The following CTDP1 variants were observed in gnomAD, a reference collection of about 807,000 sequenced individuals.
CTDP1 encodes RNA polymerase II subunit A C-terminal domain phosphatase.
CTDP1 carries 47 observed loss-of-function variants against 91.8 expected under a neutral mutation model. That is an observed-to-expected ratio of 0.51 (90% CI 0.41 to 0.65). The LOEUF is 0.65. Ranked by LOEUF, CTDP1 falls within the 30% of genes least tolerant of loss-of-function variation. The probability of loss-of-function intolerance (pLI) is 0.00; values close to 1 mark genes in which losing one functional copy is unlikely to be tolerated. For missense variants in CTDP1, 1,272 were observed against 1,373.7 expected, an observed-to-expected ratio of 0.93 and a Z score of 1.17; for synonymous variants, 656 against 598.5, an observed-to-expected ratio of 1.10 and a Z score of -1.40.
Position 79,715,397 on chromosome 18 carries a change from C to A in CTDP1, c.1937C>A (p.Pro646Gln), listed in dbSNP as rs753615274. 1 of 1,604,588 alleles carries A rather than the reference C, an allele frequency of 6.2e-7. No homozygotes were observed. The change falls in exon 8 of 13, where the codon CCG becomes CAG. Residue 646 changes from proline to glutamine, a missense_variant. Coordinates refer to ENST00000613122, the MANE Select transcript of CTDP1 (RefSeq NM_004715.5). ...GCCATAATTTTCAGTGGGCTACACC[C>A]GACAAACTTCCCGATAGAGAAGACG... ...DVAIIFSGLH[P>Q]TNFPIEKTRE... is the part of the protein sequence containing the mutation.
chr18:79,688,162 C>A (rs1268464838), intron 1 of CTDP1, among the ~76,000 whole-genome samples: 1 of 152,248 alleles, frequency 6.6e-6, no homozygotes, highest in Non-Finnish European at 1.5e-5. Context: ...AGGTGCAGAG[C>A]GTCAGCCACA....
intron 1 of CTDP1, among the ~76,000 whole-genome samples, chr18:79,689,674 G>T (rs894261161): frequency 6.6e-6 from 1 of 152,122 alleles, no homozygotes; most frequent in African/African-American, 2.4e-5. Context: ...CCAGCTACTC[G>T]GGAGGCTGAG....
chr18:79,735,829 C>G (rs1487385145), intron 11 of CTDP1: 1 of 168,024 alleles, frequency 6.0e-6, no homozygotes, highest in Non-Finnish European at 1.3e-5. Context: ...AGGAGTCGCC[C>G]TCTCTGCATG....
intron 12 of CTDP1, among the ~76,000 whole-genome samples, chr18:79,747,237 G>A (rs980904239): frequency 9.9e-5 from 15 of 152,154 alleles, no homozygotes. Flanking sequence ...GTCAGGTGTG[G>A]TGAGCGCCCG....
chr18:79,697,214 G>T (rs1373417785), intron 3 of CTDP1, among the ~76,000 whole-genome samples: 1 of 152,224 alleles, frequency 6.6e-6, no homozygotes, highest in African/African-American at 2.4e-5. Context: ...ACGGGAGGAG[G>T]TCCCCCCTGA....
intron 1 of CTDP1, among the ~76,000 whole-genome samples, chr18:79,693,613 C>T (rs899082224): frequency 1.2e-4 from 19 of 152,172 alleles, no homozygotes; most frequent in Admixed American, 2.0e-4. Flanking sequence ...TGCACATGCA[C>T]TGTGTACGCA....
intron 5 of CTDP1, among the ~76,000 whole-genome samples, chr18:79,708,591 T>A (rs2122584738): frequency 6.6e-6 from 1 of 152,312 alleles, no homozygotes; most frequent in Non-Finnish European, 1.5e-5. Context: ...GAGACTTAAG[T>A]CTTGAGAGAA....
chr18:79,722,278 G>T (rs534583186), intron 10 of CTDP1, among the ~76,000 whole-genome samples: 1 of 152,312 alleles, frequency 6.6e-6, no homozygotes, highest in East Asian at 1.9e-4. Context: ...GTGTATGTGT[G>T]TTCTGAAATG....
chr18:79,724,998 G>C (rs1012819553), intron 10 of CTDP1, among the ~76,000 whole-genome samples: 4 of 152,206 alleles, frequency 2.6e-5, no homozygotes, highest in Non-Finnish European at 5.9e-5. Flanking sequence ...CCTGTTTTCT[G>C]TGTGTTGTTA....
intron 7 of CTDP1, among the ~76,000 whole-genome samples, chr18:79,714,041 T>C (rs78360022): frequency 8.4e-6 from 1 of 118,876 alleles, no homozygotes; most frequent in African/African-American, 3.3e-5. Context: ...CGCCAGGTCG[T>C]CAGGGGCTTA....
At chr18:79,698,314 G>A (rs1415620483) in intron 4 of CTDP1, among the ~76,000 whole-genome samples, 1 of 152,186 alleles carries the variant, frequency 6.6e-6, no homozygotes, top group Non-Finnish European at 1.5e-5. Flanking sequence ...ATGGTGCGAG[G>A]CGTGTCCTGA....
At position 79,716,383 on chromosome 18, in the gene CTDP1, G is replaced by A. The variant is rs139349665; in HGVS notation, c.2068+855G>A. On this transcript the variant is annotated intron_variant, in intron 8 of 12. Transcript: ENST00000613122. ...ATCATGGGGCGTTGGACACGCATGT[G>A]CTCAGTAAAGCATTTGAATCAAGGG... Among the ~76,000 whole-genome samples, 440 of 152,306 alleles carry A rather than the reference G, an allele frequency of 2.9e-3. 1 individual carries two copies. The highest frequency in any genetic ancestry group is 0.01 in the African/African-American group (430 of 41,560).
At position 79,698,008 on chromosome 18, in the gene CTDP1, A is replaced by G. The variant is rs1464035068; in HGVS notation, c.621+20A>G. ...AATAAAGTGAGTGCAGTCAGCATCT[A>G]CGGACAGTTTCCCAGGAACCGCGGG... is the stretch of plus-strand genomic sequence containing the variant. On this transcript the variant is annotated intron_variant, in intron 4 of 12. Coordinates refer to ENST00000613122, the MANE Select transcript of CTDP1 (RefSeq NM_004715.5). 6.2e-7 allele frequency: 1 copy of G among 1,614,118 alleles called. No individual in the cohort carries two copies. Among genetic ancestry groups the G allele is most frequent in the South Asian group, 1.1e-5 (1 of 91,086 alleles).
intron 1 of CTDP1, among the ~76,000 whole-genome samples, chr18:79,689,824 T>A (rs1314433649): frequency 1.3e-5 from 2 of 152,138 alleles, no homozygotes; most frequent in Non-Finnish European, 2.9e-5. Context: ...TCATGGTTTC[T>A]TATTTAATGG....
chr18:79,689,612 C>T (rs576817317), intron 1 of CTDP1, among the ~76,000 whole-genome samples: 7 of 152,102 alleles, frequency 4.6e-5, no homozygotes, highest in African/African-American at 1.7e-4. Flanking sequence ...ATGGTGAAAC[C>T]CCATCTCTAC....
chr18:79,722,405 C>T (rs921636158), intron 10 of CTDP1, among the ~76,000 whole-genome samples: 2 of 152,162 alleles, frequency 1.3e-5, no homozygotes, highest in Non-Finnish European at 2.9e-5. Context: ...TTGAATAAGT[C>T]GACTTTTGAT....
intron 1 of CTDP1, among the ~76,000 whole-genome samples, chr18:79,694,240 T>A (rs1488744846): frequency 4.6e-4 from 64 of 139,102 alleles, no homozygotes; most frequent in Non-Finnish European, 1.7e-4. Flanking sequence ...GCAGCCCGGC[T>A]GGGATGGGAG....
chr18:79,719,564 G>T (rs570878255), intron 10 of CTDP1, among the ~76,000 whole-genome samples: 110 of 150,744 alleles, frequency 7.3e-4, no homozygotes, highest in African/African-American at 2.4e-3. Flanking sequence ...ACCTCCAGTT[G>T]TTAGGAAGGT....
At chr18:79,712,710 T>C (rs1486141636) in intron 6 of CTDP1, among the ~76,000 whole-genome samples, 1 of 152,176 alleles carries the variant, frequency 6.6e-6, no homozygotes, top group African/African-American at 2.4e-5. Context: ...TGGCCCGTAA[T>C]GCCTAAAATA....
Sources: allele counts gnomAD v4.1 joint callset (sites outside exome capture counted in the v4.1 genomes callset), GRCh38; gene constraint gnomAD v4.1.1; transcripts MANE v1.5; gene names NCBI Gene and HGNC (gene_info 2026-07-23, HGNC 2026-07-21).